PRRC2B: variants seen among roughly 807,000 people sequenced by gnomAD.
PRRC2B encodes protein PRRC2B.
In PRRC2B, 68 loss-of-function variants were observed where a neutral mutation model predicts 242.3. The ratio of observed to expected loss-of-function variants is 0.28; its 90% confidence interval spans 0.23 to 0.34. The LOEUF (loss-of-function observed/expected upper bound fraction) is 0.34. Ranked by LOEUF, PRRC2B falls within the 10% of genes least tolerant of loss-of-function variation. The pLI, the probability that PRRC2B is intolerant of heterozygous loss-of-function variation, is 1.00. For missense variants in PRRC2B, 2,835 were observed against 2,954.8 expected (o/e 0.96, Z 0.94); for synonymous variants, 1,228 against 1,173.6 (o/e 1.05, Z -0.95).
Position 131,476,461 on chromosome 9 carries a change from C to T in PRRC2B, c.4332C>T (p.Pro1444=), listed in dbSNP as rs771049316. ...AGCCGGGAGGGTTTGGGGAGAAGCC[C>T]GTTAGGCCAGGTGGTGGTGACACCT... ...KLEPGGFGEK[P]VRPGGGDTSP... is the part of the protein sequence containing the mutation. Residue 1444 remains proline (P), a synonymous_variant, in exon 16 of 32, where the codon CCC becomes CCT. Coordinates refer to ENST00000683519, the MANE Select transcript of PRRC2B (RefSeq NM_013318.4). The T allele has an allele frequency of 4.3e-6, 7 of 1,613,264 alleles. No individual in the cohort carries two copies. Among genetic ancestry groups the T allele is most frequent in the East Asian group, 2.2e-5 (1 of 44,866 alleles).
intron 12 of PRRC2B, among the ~76,000 whole-genome samples, chr9:131,466,501 G>A (rs1191932534): frequency 6.6e-6 from 1 of 152,124 alleles, no homozygotes; most frequent in Non-Finnish European, 1.5e-5. Context: ...TTAAAAAAAT[G>A]TTTTTTCCTT....
chr9:131,442,608 G>A lies in PRRC2B; in HGVS notation c.470-1577G>A, dbSNP rs551190603. 2.0e-4 allele frequency among the ~76,000 whole-genome samples: 31 copies of A among 152,240 alleles called. No homozygotes were observed. In the East Asian group the frequency reaches 2.9e-3, roughly 14 times the overall value. On this transcript the variant is annotated intron_variant, in intron 5 of 31. Transcript: ENST00000683519. ...TGTGGTGATCCAGCCGCGCCTTTCCGGCACAGTCGGCTTTAGTGAACAGGC... is the reference window on the plus strand; with the variant it reads ...TGTGGTGATCCAGCCGCGCCTTTCCAGCACAGTCGGCTTTAGTGAACAGGC...
chr9:131,456,093 AC>A (rs752081434), intron 10 of PRRC2B, among the ~76,000 whole-genome samples: 67 of 152,008 alleles, frequency 4.4e-4, no homozygotes, highest in Non-Finnish European at 7.8e-4. Context: ...AGCCTGGGCG[AC>A]AGAGCAAAAC....
chr9:131,403,977 C>T (rs1297962066), intron 1 of PRRC2B, among the ~76,000 whole-genome samples: 3 of 151,638 alleles, frequency 2.0e-5, no homozygotes, highest in Non-Finnish European at 2.9e-5. Flanking sequence ...GGGTGGGTCT[C>T]GCTATGTTGA....
At chr9:131,383,384 C>T (rs936051067) in intron 1 of PRRC2B, among the ~76,000 whole-genome samples, 4 of 152,056 alleles carry the variant, frequency 2.6e-5, no homozygotes, top group Non-Finnish European at 2.9e-5. Flanking sequence ...GCCTCACATT[C>T]CTGGATCAGA....
intron 5 of PRRC2B, 93 bp from the exon 6 acceptor site, chr9:131,444,092 C>T: frequency 6.9e-7 from 1 of 1,453,186 alleles, no homozygotes; most frequent in Non-Finnish European, 9.5e-7. Flanking sequence ...AAGCCCACTT[C>T]CAGGCAACAC....
At chr9:131,461,824 G>A (rs1390246804) in intron 11 of PRRC2B, among the ~76,000 whole-genome samples, 1 of 152,184 alleles carries the variant, frequency 6.6e-6, no homozygotes, top group Non-Finnish European at 1.5e-5. Flanking sequence ...ACTGCGCCCG[G>A]CCTGCTCTTT....
At position 131,385,155 on chromosome 9, in the gene PRRC2B, G is replaced by GGCTAATTTTTTGTATTTTT. The variant is rs1554756387; in HGVS notation, c.-56+11424_-56+11425insGCTAATTTTTTGTATTTTT. Among the ~76,000 whole-genome samples, 117 of 137,864 alleles carry GGCTAATTTTTTGTATTTTT rather than the reference G, an allele frequency of 8.5e-4. 1 individual carries two copies. The highest frequency in any genetic ancestry group is 2.1e-3 in the Admixed American group (25 of 11,820). 90.4% of individuals were successfully genotyped at this position (137,864 alleles called of 152,430 possible). A position where few individuals can be genotyped will look rare whatever the true frequency, so the allele number is the denominator to read the frequency against. ...CCCGAGTAGCTGGGATTACAGGCAT[G>GGCTAATTTTTTGTATTTTT]AGCTACACCAGTAAGTTTCCTAATA... On this transcript the variant is annotated intron_variant, in intron 1 of 1. Transcript: ENST00000682525.
chr9:131,473,307 C>T (rs1042225327), intron 14 of PRRC2B, among the ~76,000 whole-genome samples: 14 of 152,138 alleles, frequency 9.2e-5, no homozygotes, highest in Non-Finnish European at 1.6e-4. Context: ...GTCTTTGAAC[C>T]AGGCAGGGTG....
At chr9:131,408,758 G>A (rs569747607) in intron 1 of PRRC2B, among the ~76,000 whole-genome samples, 1 of 148,612 alleles carries the variant, frequency 6.7e-6, no homozygotes, top group South Asian at 2.1e-4. Flanking sequence ...TACTCTTGTT[G>A]CCCGGGCTGG....
intron 1 of PRRC2B, among the ~76,000 whole-genome samples, chr9:131,405,168 G>T (rs1471266405): frequency 6.6e-6 from 1 of 152,214 alleles, no homozygotes; most frequent in African/African-American, 2.4e-5. Flanking sequence ...TGGGCAGACA[G>T]CGATCAGACA....
rs907284267 is a variant in PRRC2B at position 131,499,431 on chromosome 9, C to G, written c.*3557C>G. ...GGGTTAGAGGGTCTGCTGGAAATGG[C>G]CTTTGAAGACCAAGGATACCAGGAT... On this transcript the variant is annotated 3_prime_UTR_variant, in exon 32 of 32. Coordinates refer to ENST00000683519, the MANE Select transcript of PRRC2B (RefSeq NM_013318.4). 6.6e-6 allele frequency: 1 copy of G among 152,222 alleles called. No individual in the cohort carries two copies. Among genetic ancestry groups the G allele is most frequent in the Non-Finnish European group, 1.5e-5 (1 of 68,052 alleles). The allele number at this position is 152,222 out of a possible 1,614,324, so 9.4% of individuals were successfully genotyped here.
intron 1 of PRRC2B, among the ~76,000 whole-genome samples, chr9:131,416,984 GTTATT>G (rs1837675870): frequency 6.6e-6 from 1 of 151,976 alleles, no homozygotes; most frequent in South Asian, 2.1e-4. Context: ...TGTTTCCTCT[GTTATT>G]TTGTCTATTT....
intron 1 of PRRC2B, 21 bp from the exon 2 acceptor site, chr9:131,430,073 T>G: frequency 1.4e-6 from 1 of 697,354 alleles, no homozygotes. Context: ...TTTTTTTTTT[T>G]CTTCTCTATT....
chr9:131,400,377 C>A (rs889700869), intron 1 of PRRC2B, among the ~76,000 whole-genome samples: 2 of 151,812 alleles, frequency 1.3e-5, no homozygotes, highest in South Asian at 4.2e-4. Context: ...GGAGTGCAGC[C>A]GTGCGATCTT....
intron 17 of PRRC2B, 123 bp downstream of exon 17, chr9:131,478,072 C>G: frequency 1.2e-6 from 1 of 820,080 alleles, no homozygotes; most frequent in Non-Finnish European, 1.9e-6. Flanking sequence ...CTCGGCCAGG[C>G]CCTGGGCTGG....
In PRRC2B at chr9:131,446,905, A is replaced by G. The variant is rs1838820260; in HGVS notation, c.856-180A>G. 6.6e-6 allele frequency among the ~76,000 whole-genome samples: 1 copy of G among 152,224 alleles called. No homozygotes were observed. Among genetic ancestry groups the G allele is most frequent in the African/African-American group, 2.4e-5 (1 of 41,456 alleles). Reference sequence around the variant, plus strand: ...AGGTTTTCCCTGACATAGGTCCCCAAGTCTACTTACTGGCAGCAGGAATGA... The same window carrying G: ...AGGTTTTCCCTGACATAGGTCCCCAGGTCTACTTACTGGCAGCAGGAATGA... On this transcript the variant is annotated intron_variant, in intron 7 of 31. Transcript: ENST00000683519. This position sits in a 1 kb window ranked among gnomAD's most constrained non-coding sequence, Gnocchi z 4.1.
At chr9:131,411,101 A>G (rs993846375) in intron 1 of PRRC2B, among the ~76,000 whole-genome samples, 1 of 151,778 alleles carries the variant, frequency 6.6e-6, no homozygotes, top group African/African-American at 2.4e-5. Context: ...ACTAAAAATA[A>G]AAAGAATTAG....
intron 17 of PRRC2B, among the ~76,000 whole-genome samples, chr9:131,478,226 G>A (rs974543161): frequency 0.3 from 58 of 196 alleles, no homozygotes; most frequent in African/African-American, 0.38. Flanking sequence ...TGGTGTGTCC[G>A]AGGTCACACA....
Sources: allele counts gnomAD v4.1 joint callset (sites outside exome capture counted in the v4.1 genomes callset), GRCh38; gene constraint gnomAD v4.1.1; non-coding constraint Gnocchi (gnomAD v3.1); transcripts MANE v1.5; gene names NCBI Gene and HGNC (gene_info 2026-07-23, HGNC 2026-07-21).